CTNND2: variants seen among roughly 807,000 people sequenced by gnomAD.
CTNND2 encodes catenin delta 2.
In CTNND2, 22 loss-of-function variants were observed where a neutral mutation model predicts 144.4. The ratio of observed to expected loss-of-function variants is 0.15; its 90% confidence interval spans 0.11 to 0.22. CTNND2 has a LOEUF of 0.22. Among genes scored for constraint, CTNND2 ranks in the 10% least tolerant of loss-of-function variants. CTNND2 has a pLI of 1.00. For missense variants in CTNND2, 1,353 were observed against 1,618.8 expected (o/e 0.84, Z 2.82); for synonymous variants, 751 against 695.6 (o/e 1.08, Z -1.25).
At chr5:11,291,705 T>C (rs1325494317) in intron 9 of CTNND2, among the ~76,000 whole-genome samples, 1 of 152,172 alleles carries the variant, frequency 6.6e-6, no homozygotes, top group Non-Finnish European at 1.5e-5. Context: ...AACGTATCTC[T>C]AGCTTTATGA....
At chr5:11,712,514 A>C (rs1466662312) in intron 2 of CTNND2, among the ~76,000 whole-genome samples, 1 of 152,198 alleles carries the variant, frequency 6.6e-6, no homozygotes, top group Non-Finnish European at 1.5e-5. Flanking sequence ...TCTTTATTCA[A>C]TAAAGGGCAT....
chr5:11,853,099 T>C (rs1222273847), intron 1 of CTNND2, among the ~76,000 whole-genome samples: 1 of 152,096 alleles, frequency 6.6e-6, no homozygotes. Flanking sequence ...TAGTTGGAGA[T>C]TGCTCCCCAA....
chr5:11,454,509 G>A (rs31955), intron 3 of CTNND2, among the ~76,000 whole-genome samples: 19,451 of 152,016 alleles, frequency 0.13, 3,990 homozygotes, highest in African/African-American at 0.43. Context: ...TACAAATCAA[G>A]TATTTGTTTA....
chr5:11,111,466 T>TA (rs1236324055), intron 13 of CTNND2, among the ~76,000 whole-genome samples: 1 of 152,128 alleles, frequency 6.6e-6, no homozygotes, highest in Non-Finnish European at 1.5e-5. Flanking sequence ...GGGGCATATT[T>TA]ACTGCCCACC....
At chr5:11,723,799 G>A (rs1581778621) in intron 2 of CTNND2, among the ~76,000 whole-genome samples, 1 of 152,154 alleles carries the variant, frequency 6.6e-6, no homozygotes, top group South Asian at 2.1e-4. Context: ...GCTCATGTCT[G>A]TAATTCCAGC....
intron 2 of CTNND2, among the ~76,000 whole-genome samples, chr5:11,583,019 C>T (rs1212897094): frequency 6.6e-6 from 1 of 152,138 alleles, no homozygotes; most frequent in African/African-American, 2.4e-5. Context: ...GACATGAATG[C>T]TATTTTTAAG....
intron 1 of CTNND2, among the ~76,000 whole-genome samples, chr5:11,758,147 C>A (rs140260409): frequency 1.3e-5 from 2 of 151,866 alleles, no homozygotes; most frequent in Non-Finnish European, 2.9e-5. Flanking sequence ...GTCACTTAGA[C>A]GGTAATTACT....
At chr5:11,694,297 T>C (rs184387608) in intron 2 of CTNND2, among the ~76,000 whole-genome samples, 2,973 of 151,440 alleles carry the variant, frequency 0.02, 95 homozygotes, top group African/African-American at 0.067. Context: ...TAGCTGGGTG[T>C]GGTGGTGGGC....
chr5:11,519,516 T>C (rs1772522659), intron 3 of CTNND2, among the ~76,000 whole-genome samples: 1 of 151,734 alleles, frequency 6.6e-6, no homozygotes, highest in Non-Finnish European at 1.5e-5. Context: ...GGTTTTTTTT[T>C]TTTTTTCTGG....
intron 13 of CTNND2, among the ~76,000 whole-genome samples, chr5:11,113,725 A>C (rs1365772086): frequency 6.6e-6 from 1 of 152,214 alleles, no homozygotes; most frequent in Non-Finnish European, 1.5e-5. Flanking sequence ...TATGGGTGAA[A>C]GGAGGACAGC....
chr5:11,590,904 G>C (rs1414598040), intron 2 of CTNND2, among the ~76,000 whole-genome samples: 2 of 152,200 alleles, frequency 1.3e-5, no homozygotes, highest in Non-Finnish European at 2.9e-5. Flanking sequence ...CTCACACTAA[G>C]CCTGCTCAGG....
intron 2 of CTNND2, among the ~76,000 whole-genome samples, chr5:11,582,167 A>G (rs1778488157): frequency 6.6e-6 from 1 of 152,210 alleles, no homozygotes; most frequent in Non-Finnish European, 1.5e-5. Context: ...AAGCCCCTGT[A>G]TGAGAGACAA....
At chr5:11,719,603 G>A (rs1010514408) in intron 2 of CTNND2, among the ~76,000 whole-genome samples, 1 of 152,066 alleles carries the variant, frequency 6.6e-6, no homozygotes, top group African/African-American at 2.4e-5. Context: ...AAAATAATAT[G>A]CAATATTTAT....
intron 2 of CTNND2, among the ~76,000 whole-genome samples, chr5:11,712,982 T>C (rs1279367315): frequency 6.6e-6 from 1 of 152,096 alleles, no homozygotes; most frequent in Non-Finnish European, 1.5e-5. Context: ...AGGCTAAAGA[T>C]AAATAAAGTT....
chr5:11,272,308 T>G (rs1036156929), intron 9 of CTNND2, among the ~76,000 whole-genome samples: 1 of 152,252 alleles, frequency 6.6e-6, no homozygotes, highest in African/African-American at 2.4e-5. Flanking sequence ...AATTATGATA[T>G]ATTCATTAGT....
At chr5:11,158,659 G>A (rs1047957269) in intron 12 of CTNND2, among the ~76,000 whole-genome samples, 2 of 152,106 alleles carry the variant, frequency 1.3e-5, no homozygotes, top group Non-Finnish European at 2.9e-5. Flanking sequence ...CCACTGAGGT[G>A]GATTTTGTTC....
At chr5:11,232,735 T>A (rs916249743) in intron 10 of CTNND2, among the ~76,000 whole-genome samples, 1 of 152,208 alleles carries the variant, frequency 6.6e-6, no homozygotes, top group African/African-American at 2.4e-5. Flanking sequence ...TTGGGGATTG[T>A]TGGGAAAGCA....
chr5:11,867,975 C>T (rs541856782), intron 1 of CTNND2, among the ~76,000 whole-genome samples: 30 of 151,746 alleles, frequency 2.0e-4, no homozygotes, highest in Non-Finnish European at 3.8e-4. Context: ...GTTCCCTACA[C>T]TTCACCTCAG....
intron 16 of CTNND2, among the ~76,000 whole-genome samples, chr5:11,040,831 C>T (rs1375025247): frequency 1.3e-5 from 2 of 152,124 alleles, no homozygotes; most frequent in Non-Finnish European, 2.9e-5. Context: ...TATCTCAATT[C>T]ATTGACTAAT....
Sources: gnomAD v4.1 joint callset for allele counts (sites outside exome capture counted in the v4.1 genomes callset) on GRCh38, gnomAD v4.1.1 for gene constraint, MANE v1.5 for transcripts, NCBI Gene and HGNC (gene_info 2026-07-23, HGNC 2026-07-21) for gene names.